PRRG1: variants seen among roughly 807,000 people sequenced by gnomAD.
PRRG1 encodes proline rich and Gla domain 1.
PRRG1 carries 5 observed loss-of-function variants against 11.8 expected under a neutral mutation model. The ratio of observed to expected loss-of-function variants is 0.42; its 90% CI spans 0.22 to 0.89. The LOEUF is 0.89. Among genes scored for constraint, PRRG1 ranks in the 40% least tolerant of loss-of-function variants. PRRG1 has a pLI of 0.28. For synonymous variants in PRRG1, 66 were observed against 60.4 expected, an observed-to-expected ratio of 1.09 and a Z score of -0.43; for missense variants, 155 against 166.1, an observed-to-expected ratio of 0.93 and a Z score of 0.37.
At chrX:37,418,493 A>G (rs1013871963) in intron 2 of PRRG1, among the ~76,000 whole-genome samples, 12 of 112,268 alleles carry the variant, frequency 1.1e-4, no homozygotes, top group Non-Finnish European at 3.8e-5. Context: ...ATACTGGGAA[A>G]AAATTTTCAA....
chrX:37,361,679 T>C (rs1159803278), intron 1 of PRRG1, among the ~76,000 whole-genome samples: 1 of 111,634 alleles, frequency 9.0e-6, no homozygotes, highest in Non-Finnish European at 1.9e-5. Flanking sequence ...TTTTCTGGAG[T>C]CCTAGTTAAC....
intron 3 of PRRG1, among the ~76,000 whole-genome samples, chrX:37,438,430 CTTTTTTTTTTT>C (rs782783420): frequency 4.3e-5 from 3 of 69,043 alleles, no homozygotes; most frequent in African/African-American, 5.8e-5. Flanking sequence ...GAATTTTTTC[CTTTTTTTTTTT>C]TTTTTTTTTT....
intron 1 of PRRG1, among the ~76,000 whole-genome samples, chrX:37,376,756 T>G (rs1408941665): frequency 2.8e-5 from 3 of 105,265 alleles, no homozygotes; most frequent in Non-Finnish European, 5.9e-5. Flanking sequence ...CCCAGCCTCT[T>G]GATTTCCATA....
intron 1 of PRRG1, among the ~76,000 whole-genome samples, chrX:37,404,480 C>T (rs1891841886): frequency 9.0e-6 from 1 of 111,460 alleles, no homozygotes; most frequent in South Asian, 3.8e-4. Context: ...GAGCACCTTC[C>T]TGTAAAAAGG....
At chrX:37,376,191 C>T (rs1056404841) in intron 1 of PRRG1, among the ~76,000 whole-genome samples, 1 of 110,039 alleles carries the variant, frequency 9.1e-6, no homozygotes, top group African/African-American at 3.3e-5. Flanking sequence ...TTGATGATAA[C>T]CAGTTTAAAA....
chrX:37,389,676 G>A (rs1182293417), intron 1 of PRRG1, among the ~76,000 whole-genome samples: 3 of 111,813 alleles, frequency 2.7e-5, no homozygotes, highest in African/African-American at 9.8e-5. Context: ...ATGAGAAACT[G>A]CTCCCATGAT....
chrX:37,380,667 A>T (rs1313089161), intron 1 of PRRG1, among the ~76,000 whole-genome samples: 1 of 111,122 alleles, frequency 9.0e-6, no homozygotes, highest in African/African-American at 3.3e-5. Context: ...TGATGAAAAG[A>T]TATGTAACTA....
chrX:37,376,273 G>T (rs782780566), intron 1 of PRRG1, among the ~76,000 whole-genome samples: 1 of 107,173 alleles, frequency 9.3e-6, no homozygotes, highest in Non-Finnish European at 1.9e-5. Context: ...CCTGTTTATA[G>T]TGTGTTCTAT....
rs1307161337 is a variant in PRRG1, at chrX:37,457,195, A to G, written c.*3574A>G. ...TTTTAAGATGCTTGGTTTACATTAA[A>G]TTATGGTATTTAACTATTTTTATGT... On this transcript the variant is annotated 3_prime_UTR_variant, in exon 4 of 4. Transcript: ENST00000378628. 3 of 111,916 alleles carry G rather than the reference A, an allele frequency of 2.7e-5. No homozygotes were observed. Among genetic ancestry groups the G allele is most frequent in the Middle Eastern group, 4.2e-3 (1 of 236 alleles). 9.2% of individuals were successfully genotyped at this position (111,916 alleles called of 1,213,427 possible). A position where few individuals can be genotyped will look rare whatever the true frequency, so the allele number is the denominator to read the frequency against.
intron 1 of PRRG1, among the ~76,000 whole-genome samples, chrX:37,374,936 A>T (rs1311277917): frequency 9.0e-6 from 1 of 110,830 alleles, no homozygotes; most frequent in Admixed American, 9.6e-5. Flanking sequence ...AGGTGAATAG[A>T]CCTTTAGTGT....
chrX:37,370,548 C>T (rs2146529260), intron 1 of PRRG1, among the ~76,000 whole-genome samples: 1 of 111,580 alleles, frequency 9.0e-6, no homozygotes, highest in South Asian at 3.8e-4. Context: ...TTCCTGTGCC[C>T]TTGGGGGCTG....
chrX:37,419,528 A>G (rs1770488620), intron 2 of PRRG1, among the ~76,000 whole-genome samples: 1 of 111,924 alleles, frequency 8.9e-6, no homozygotes, highest in African/African-American at 3.2e-5. Flanking sequence ...GTTAATTGAA[A>G]AGACTTATAA....
At chrX:37,375,668 A>G (rs993465097) in intron 1 of PRRG1, among the ~76,000 whole-genome samples, 3 of 111,337 alleles carry the variant, frequency 2.7e-5, no homozygotes, top group Non-Finnish European at 5.7e-5. Flanking sequence ...ATCCGTGGAT[A>G]CTCAGGAACC....
chrX:37,395,376 C>A (rs956628388), intron 1 of PRRG1, among the ~76,000 whole-genome samples: 1 of 111,330 alleles, frequency 9.0e-6, no homozygotes, highest in African/African-American at 3.3e-5. Flanking sequence ...GCACTTTGGG[C>A]GGCCAAGGCG....
At chrX:37,351,999 A>G (rs1211841143) in intron 1 of PRRG1, among the ~76,000 whole-genome samples, 2 of 112,438 alleles carry the variant, frequency 1.8e-5, no homozygotes, top group Non-Finnish European at 3.8e-5. Context: ...TGGTCTAACC[A>G]TTTCTGCCAA....
At chrX:37,438,891 G>A (rs782271471) in intron 3 of PRRG1, among the ~76,000 whole-genome samples, 2 of 111,692 alleles carry the variant, frequency 1.8e-5, no homozygotes, top group African/African-American at 6.5e-5. Flanking sequence ...TGTTATAGTG[G>A]GTATCTGCTG....
intron 1 of PRRG1, among the ~76,000 whole-genome samples, chrX:37,363,985 C>G (rs1409811220): frequency 9.0e-6 from 1 of 111,561 alleles, no homozygotes; most frequent in Non-Finnish European, 1.9e-5. Flanking sequence ...ACCTAACACC[C>G]CACCTATATG....
At chrX:37,370,216 C>CATTTTCTTT (rs1556370449) in intron 1 of PRRG1, among the ~76,000 whole-genome samples, 2 of 112,120 alleles carry the variant, frequency 1.8e-5, no homozygotes, top group Non-Finnish European at 3.8e-5. Flanking sequence ...GTATATACCA[C>CATTTTCTTT]ATTTTCTTTA....
chrX:37,427,762 A>G (rs1569447325), intron 3 of PRRG1, among the ~76,000 whole-genome samples: 1 of 112,010 alleles, frequency 8.9e-6, no homozygotes, highest in Non-Finnish European at 1.9e-5. Context: ...CTCCAGGTCT[A>G]TTAATGTTGT....
Sources: allele counts gnomAD v4.1 joint callset (sites outside exome capture counted in the v4.1 genomes callset), GRCh38; gene constraint gnomAD v4.1.1; transcripts MANE v1.5; gene names NCBI Gene and HGNC (gene_info 2026-07-23, HGNC 2026-07-21).